The following HMCN1 variants were observed in gnomAD, a reference collection of about 807,000 sequenced individuals.
HMCN1 encodes hemicentin 1, also known as hemicentin-1.
In HMCN1, 321 loss-of-function variants were observed where a neutral mutation model predicts 625.9. The ratio of observed to expected loss-of-function variants is 0.51; its 90% confidence interval spans 0.47 to 0.56. HMCN1 has a LOEUF of 0.56. Among genes scored for constraint, HMCN1 ranks in the 20% least tolerant of loss-of-function variants. HMCN1 has a pLI of 0.00. For missense variants in HMCN1, 6,588 were observed against 6,887.3 expected (o/e 0.96, Z 1.54); for synonymous variants, 2,425 against 2,417.6 (o/e 1.00, Z -0.09).
In HMCN1 at chr1:185,784,791, G is replaced by T. The variant is rs1401732684; in HGVS notation, c.268+49744G>T. The stretch of plus-strand genomic sequence containing the variant: ...TGGTATCAATTACATATTGTAACAT[G>T]TACAGATCTTAAGTGTATGTTTTGA... On this transcript the variant is annotated intron_variant, in intron 1 of 106. Transcript: ENST00000271588. Among the ~76,000 whole-genome samples the T allele has an allele frequency of 2.6e-4, 39 of 152,100 alleles. 1 individual carries two copies. Among genetic ancestry groups the T allele is most frequent in the Admixed American group, 2.6e-3 (39 of 15,276 alleles).
At chr1:186,147,438 CAAAT>C (rs377580304) in intron 93 of HMCN1, among the ~76,000 whole-genome samples, 222 of 138,246 alleles carry the variant, frequency 1.6e-3, no homozygotes, top group African/African-American at 5.8e-3. Flanking sequence ...TCGTGGCAAA[CAAAT>C]GAATGTAGTA....
chr1:186,032,778 G>A (rs2102204267), intron 36 of HMCN1, among the ~76,000 whole-genome samples: 1 of 151,752 alleles, frequency 6.6e-6, no homozygotes, highest in East Asian at 1.9e-4. Context: ...GATGTGGTGT[G>A]GATGTGCTGA....
chr1:185,988,725 C>A (rs892020560), intron 20 of HMCN1, among the ~76,000 whole-genome samples: 10 of 152,194 alleles, frequency 6.6e-5, no homozygotes, highest in African/African-American at 1.2e-4. Context: ...ATTTCAACCC[C>A]AGCTCTACCA....
rs1665766112 is a variant in HMCN1 at position 185,900,847 on chromosome 1, G to C, written c.622-8490G>C. Among the ~76,000 whole-genome samples, 6 of 151,834 alleles carry C rather than the reference G, an allele frequency of 4.0e-5. No homozygotes were observed. The South Asian group carries it at 1.0e-3, about 26-fold the overall frequency. On this transcript the variant is annotated intron_variant, in intron 4 of 106. Coordinates refer to ENST00000271588, the MANE Select transcript of HMCN1 (RefSeq NM_031935.3). ...AAAAGGTTCCTTTTATTGTCCGAAG[G>C]GCCCAGAAATTGATGAAACTTGCCT...
rs573235371 is a variant in HMCN1, at chr1:186,081,808, A to G, written c.8787+414A>G. 2.6e-5 allele frequency among the ~76,000 whole-genome samples: 4 copies of G among 152,326 alleles called. No homozygotes were observed. The East Asian group carries it at 7.7e-4, about 29-fold the overall frequency. On this transcript the variant is annotated intron_variant, in intron 56 of 106. Transcript: ENST00000271588. ...ATAATAAAAATTATGAAAATCACAT[A>G]CATATCCTGGATTGTTGTTTACCAA... is the stretch of plus-strand genomic sequence containing the variant.
chr1:185,824,190 C>G (rs577007495), intron 1 of HMCN1, among the ~76,000 whole-genome samples: 1 of 152,280 alleles, frequency 6.6e-6, no homozygotes, highest in Admixed American at 6.5e-5. Context: ...GATGAGGAAT[C>G]TGAGGCTAAA....
chr1:186,178,851 G>T (rs953875416), intron 104 of HMCN1, 85 bp downstream of exon 104: 1 of 935,726 alleles, frequency 1.1e-6, no homozygotes, highest in South Asian at 1.3e-5. Context: ...TTGTTTGAGT[G>T]CAGTGAACTA....
chr1:185,772,350 C>T (rs1282258503), intron 1 of HMCN1, among the ~76,000 whole-genome samples: 1 of 152,088 alleles, frequency 6.6e-6, no homozygotes, highest in Non-Finnish European at 1.5e-5. Flanking sequence ...GAGGAAGTAA[C>T]CACTGAGATA....
chr1:185,816,398 C>T (rs1270573304), intron 1 of HMCN1, among the ~76,000 whole-genome samples: 4 of 152,156 alleles, frequency 2.6e-5, no homozygotes, highest in Non-Finnish European at 5.9e-5. Flanking sequence ...ATTCCATAAC[C>T]ATAGCTTGAT....
Position 186,090,678 on chromosome 1 carries a change from T to A in HMCN1, c.9728-80T>A, listed in dbSNP as rs187170945. 10 of 1,492,150 alleles carry A rather than the reference T, an allele frequency of 6.7e-6. 1 individual carries two copies. The Admixed American group carries it at 1.2e-4, about 18-fold the overall frequency. 92.4% of individuals were successfully genotyped at this position (1,492,150 alleles called of 1,614,324 possible). ...CTACAAAGAATATGAACTAGAAATG[T>A]CATATTGTTTTATGACTCTGTTACA... On this transcript the variant is annotated intron_variant, in intron 63 of 106. Coordinates refer to ENST00000271588, the MANE Select transcript of HMCN1 (RefSeq NM_031935.3).
intron 1 of HMCN1, among the ~76,000 whole-genome samples, chr1:185,756,184 C>T (rs188923868): frequency 6.6e-6 from 1 of 152,054 alleles, no homozygotes; most frequent in African/African-American, 2.4e-5. Flanking sequence ...TACAGGATAA[C>T]CATGGTGAAA....
Position 186,182,129 on chromosome 1 carries a change from T to C in HMCN1, c.16295-39T>C, listed in dbSNP as rs771974992. The C allele has an allele frequency of 3.1e-6, 5 of 1,611,170 alleles. No homozygotes were observed. In the Admixed American group the frequency reaches 5.0e-5, roughly 16 times the overall value. Reference sequence around the variant, plus strand: ...GGCTCTGTCACAGTGTCTGCTTTTTTCTTGTGTAGTGATAACTCTCTGTCT... The same window carrying C: ...GGCTCTGTCACAGTGTCTGCTTTTTCCTTGTGTAGTGATAACTCTCTGTCT... On this transcript the variant is annotated intron_variant, in intron 104 of 106. Transcript: ENST00000271588.
chr1:186,065,404 C>T lies in HMCN1; in HGVS notation c.7680C>T (p.Ser2560=). The change falls in exon 49 of 107, where the codon AGC becomes AGT. Residue 2560 remains serine (S), a synonymous_variant. Coordinates refer to ENST00000271588, the MANE Select transcript of HMCN1 (RefSeq NM_031935.3). ...CLASSPAGHK[S]RSFSLNVFVS... ...CTTCCAGTCCAGCTGGCCACAAGAGCAGGAGCTTCAGTCTTAATGTATTTG... is the reference window on the plus strand; with the variant it reads ...CTTCCAGTCCAGCTGGCCACAAGAGTAGGAGCTTCAGTCTTAATGTATTTG... 1 of 1,607,708 alleles carries T rather than the reference C, an allele frequency of 6.2e-7. No individual in the cohort carries two copies. Among genetic ancestry groups the T allele is most frequent in the South Asian group, 1.1e-5 (1 of 90,848 alleles).
intron 86 of HMCN1, among the ~76,000 whole-genome samples, chr1:186,133,582 T>C (rs1449426383): frequency 2.0e-5 from 3 of 152,212 alleles, no homozygotes; most frequent in African/African-American, 7.2e-5. Flanking sequence ...AGTCATTTTG[T>C]GACTAGGCTC....
Position 186,174,428 on chromosome 1 carries a change from G to C in HMCN1, c.15815-86G>C. On this transcript the variant is annotated intron_variant, in intron 102 of 106. Coordinates refer to ENST00000271588, the MANE Select transcript of HMCN1 (RefSeq NM_031935.3). The stretch of plus-strand genomic sequence containing the variant: ...CACTTGGTGAGAAATGCAACCTTTG[G>C]CAATTCTACAGAATGCTGACTTTAA... The C allele has an allele frequency of 2.0e-6, 3 of 1,515,472 alleles. No individual in the cohort carries two copies. The South Asian group carries it at 3.4e-5, about 17-fold the overall frequency. The allele number at this position is 1,515,472 out of a possible 1,614,324, so 93.9% of individuals were successfully genotyped here.
chr1:185,935,543 CA>C (rs1043639918), intron 11 of HMCN1, among the ~76,000 whole-genome samples: 4 of 151,992 alleles, frequency 2.6e-5, no homozygotes, highest in Non-Finnish European at 4.4e-5. Context: ...TATTATCCAA[CA>C]ATTTTAAAAA....
In HMCN1 at chr1:186,145,878, G is replaced by A. The variant is rs149384716; in HGVS notation, c.14563G>A (p.Gly4855Arg). Residue 4855 changes from glycine (G) to arginine (R), a missense_variant, in exon 93 of 107, where the codon GGA becomes AGA. This residue lies in a region of HMCN1 where 1,954 missense variants were observed against 2,013.1 expected (regional missense o/e 0.97). Transcript: ENST00000271588. ...VPVKGGRPCP[G>R]DTTQVTRCNV... is the part of the protein sequence containing the mutation. ...AGTTAAAGGTGGCCGTCCCTGTCCC[G>A]GAGACACTACTCAGGTGACCAGGTG... 1.9e-5 allele frequency: 30 copies of A among 1,613,890 alleles called. No homozygotes were observed. The highest frequency in any genetic ancestry group is 1.6e-4 in the Middle Eastern group (1 of 6,082).
intron 4 of HMCN1, among the ~76,000 whole-genome samples, chr1:185,891,778 A>C (rs1319077423): frequency 6.8e-6 from 1 of 147,648 alleles, no homozygotes; most frequent in Non-Finnish European, 1.5e-5. Flanking sequence ...TGAATCTGAC[A>C]ATTATGTGTC....
At chr1:186,168,719 G>C (rs968092020) in intron 100 of HMCN1, among the ~76,000 whole-genome samples, 3 of 151,882 alleles carry the variant, frequency 2.0e-5, no homozygotes, top group Non-Finnish European at 4.4e-5. Flanking sequence ...GGAAAATTTT[G>C]ATTATATCTA....
Sources: allele counts gnomAD v4.1 joint callset (sites outside exome capture counted in the v4.1 genomes callset), GRCh38; gene constraint gnomAD v4.1.1; regional missense constraint gnomAD v4.1.1; transcripts MANE v1.5; gene names NCBI Gene and HGNC (gene_info 2026-07-23, HGNC 2026-07-21).